YWHAE: variants seen among roughly 807,000 people sequenced by gnomAD.
YWHAE encodes tyrosine 3-monooxygenase/tryptophan 5-monooxygenase activation protein epsilon, also known as 14-3-3 protein epsilon.
In YWHAE, 4 loss-of-function variants were observed where a neutral mutation model predicts 30.1. That is an observed-to-expected ratio of 0.13 (90% confidence interval 0.07 to 0.30). The LOEUF is 0.30. Ranked by LOEUF, YWHAE falls within the 10% of genes least tolerant of loss-of-function variation. YWHAE has a pLI of 1.00. For missense variants in YWHAE, 121 were observed against 315.9 expected, an observed-to-expected ratio of 0.38 and a Z score of 4.68; for synonymous variants, 118 against 111.8, an observed-to-expected ratio of 1.06 and a Z score of -0.35.
Position 1,364,908 on chromosome 17 carries a change from T to C in YWHAE, c.215A>G (p.Asn72Ser). ...TTTTAGCTTGTCTTCTCCTCCCTTGTTTTCTTCTTTCTGTTCAATGCTGCT... is the reference window on the plus strand; with the variant it reads ...TTTTAGCTTGTCTTCTCCTCCCTTGCTTTCTTCTTTCTGTTCAATGCTGCT... ...IISSIEQKEE[N>S]KGGEDKLKMI... The change falls in exon 2 of 6, where the codon AAC becomes AGC. Residue 72 changes from asparagine (N) to serine (S), a missense_variant. By Grantham distance (46) the Asn-to-Ser change is conservative. Around this residue, in one of 2 missense-constraint regions of YWHAE, gnomAD observed 99 missense variants for 289.3 expected, o/e 0.34. Transcript: ENST00000264335. 5.0e-6 allele frequency: 8 copies of C among 1,614,140 alleles called. No homozygotes were observed. Among genetic ancestry groups the C allele is most frequent in the Non-Finnish European group, 6.8e-6 (8 of 1,180,002 alleles).
chr17:1,350,828 G>C (rs2072618462), intron 5 of YWHAE, among the ~76,000 whole-genome samples: 1 of 151,784 alleles, frequency 6.6e-6, no homozygotes, highest in Non-Finnish European at 1.5e-5. Context: ...GGGAGGCCGA[G>C]GCAGGTGGAC....
chr17:1,358,441 A>G (rs999896814), intron 4 of YWHAE, among the ~76,000 whole-genome samples: 12 of 151,808 alleles, frequency 7.9e-5, no homozygotes, highest in Admixed American at 5.9e-4. Flanking sequence ...GGGTTTCACC[A>G]CGTTAGCCAC....
At chr17:1,380,820 GA>G (rs1243974971) in intron 1 of YWHAE, among the ~76,000 whole-genome samples, 17 of 152,100 alleles carry the variant, frequency 1.1e-4, no homozygotes, top group Admixed American at 8.5e-4. Context: ...CATATCCAAA[GA>G]ACCTCACTCT....
chr17:1,365,760 AT>A (rs2072932356), intron 1 of YWHAE, among the ~76,000 whole-genome samples: 1 of 152,172 alleles, frequency 6.6e-6, no homozygotes, highest in Non-Finnish European at 1.5e-5. Flanking sequence ...TTGATGCCAT[AT>A]TACCATGTGG....
rs541640590 is a variant in YWHAE, at chr17:1,389,127, A to G, written c.64+10920T>C. Among the ~76,000 whole-genome samples, 10 of 152,078 alleles carry G rather than the reference A, an allele frequency of 6.6e-5. No individual in the cohort carries two copies. The East Asian group carries it at 1.9e-3, about 30-fold the overall frequency. The stretch of plus-strand genomic sequence containing the variant: ...ACTACAGACACATGCCACTAGGTCA[A>G]GCTAATTCTGTTTCTTTTTGTAGAA... On this transcript the variant is annotated intron_variant, in intron 1 of 5. Coordinates refer to ENST00000264335, the MANE Select transcript of YWHAE (RefSeq NM_006761.5).
chr17:1,399,332 C>G (rs1039833544), intron 1 of YWHAE: 4 of 152,246 alleles, frequency 2.6e-5, no homozygotes, highest in Admixed American at 1.3e-4. Context: ...GGAAAAGCCC[C>G]GAAACCCCTC....
Position 1,361,236 on chromosome 17 carries a change from G to C in YWHAE, c.434C>G (p.Ala145Gly). 1 of 1,613,128 alleles carries C rather than the reference G, an allele frequency of 6.2e-7. No individual in the cohort carries two copies. ...FATGNDRKEA[A>G]ENSLVAYKAA... ...TTTATAAGCCACTAGGCTGTTCTCC[G>C]CAGCCTCCTTCCTGTCGTTTCCTGT... The change falls in exon 4 of 6, where the codon GCG becomes GGG. Residue 145 changes from alanine (A) to glycine (G), a missense_variant. Transcript: ENST00000264335.
At chr17:1,384,453 A>G (rs1407297224) in intron 1 of YWHAE, among the ~76,000 whole-genome samples, 1 of 151,436 alleles carries the variant, frequency 6.6e-6, no homozygotes, top group Non-Finnish European at 1.5e-5. Context: ...GCACTTTGGG[A>G]GGCCAAGGCG....
In YWHAE at chr17:1,355,767, G is replaced by T. The variant is rs150036764; in HGVS notation, c.579-1420C>A. Among the ~76,000 whole-genome samples the T allele has an allele frequency of 6.2e-3, 940 of 152,282 alleles. 11 individuals carry two copies. Among genetic ancestry groups the T allele is most frequent in the African/African-American group, 0.021 (866 of 41,550 alleles). On this transcript the variant is annotated intron_variant, in intron 4 of 5. Coordinates refer to ENST00000264335, the MANE Select transcript of YWHAE (RefSeq NM_006761.5). Reference sequence around the variant, plus strand: ...TACAAGGAGGAGGCTGGCTGTGGTGGCTCATGCCTGTAATCAGCACACTTT... The same window carrying T: ...TACAAGGAGGAGGCTGGCTGTGGTGTCTCATGCCTGTAATCAGCACACTTT...
chr17:1,370,846 A>C (rs912094271), intron 1 of YWHAE, among the ~76,000 whole-genome samples: 2 of 152,002 alleles, frequency 1.3e-5, no homozygotes, highest in African/African-American at 4.8e-5. Flanking sequence ...AAGTGCAAAA[A>C]AAAATCAGCC....
chr17:1,374,134 A>G (rs2073089407), intron 1 of YWHAE, among the ~76,000 whole-genome samples: 1 of 152,014 alleles, frequency 6.6e-6, no homozygotes, highest in South Asian at 2.1e-4. Flanking sequence ...AAAACATGGC[A>G]AAACCCCGTC....
intron 1 of YWHAE, among the ~76,000 whole-genome samples, chr17:1,374,057 C>T (rs62087945): frequency 0.41 from 62,399 of 151,916 alleles, 13,073 homozygotes; most frequent in Admixed American, 0.56. Context: ...GTGGCTCACG[C>T]CTACAATCCC....
rs564388407 is a variant in YWHAE, at chr17:1,355,187, C to T, written c.579-840G>A. Among the ~76,000 whole-genome samples, 104 of 102,668 alleles carry T rather than the reference C, an allele frequency of 1.0e-3. 1 individual carries two copies. The highest frequency in any genetic ancestry group is 3.5e-3 in the African/African-American group (93 of 26,272). The allele number at this position is 102,668 out of a possible 152,430, so 67.4% of individuals were successfully genotyped here. A position where few individuals can be genotyped will look rare whatever the true frequency, so the allele number is the denominator to read the frequency against. On this transcript the variant is annotated intron_variant, in intron 4 of 5. Coordinates refer to ENST00000264335, the MANE Select transcript of YWHAE (RefSeq NM_006761.5). Reference sequence around the variant, plus strand: ...TTTTTTTTTTTGGGGGACGGGGTCTCGCTCTATCACCCAGGCTGGAGTGCA... The same window carrying T: ...TTTTTTTTTTTGGGGGACGGGGTCTTGCTCTATCACCCAGGCTGGAGTGCA...
intron 2 of YWHAE, 36 bp from the exon 3 acceptor site, chr17:1,362,044 G>A (rs1361536389): frequency 7.8e-7 from 1 of 1,289,960 alleles, no homozygotes; most frequent in East Asian, 2.6e-5. Flanking sequence ...ATCAGATTAA[G>A]TCTAGAAATT....
At chr17:1,398,334 T>TCCCC (rs11389163) in intron 1 of YWHAE, among the ~76,000 whole-genome samples, 118 of 100,902 alleles carry the variant, frequency 1.2e-3, no homozygotes, top group Non-Finnish European at 1.2e-3. Flanking sequence ...CCCCATCTTA[T>TCCCC]CCCCCCCCCC....
chr17:1,356,050 T>A (rs2072735504), intron 4 of YWHAE, among the ~76,000 whole-genome samples: 1 of 152,108 alleles, frequency 6.6e-6, no homozygotes, highest in Non-Finnish European at 1.5e-5. Context: ...GTGCCTGTAG[T>A]CCCAGCTACT....
chr17:1,361,934 G>A lies in YWHAE; in HGVS notation c.339C>T (p.Asn113=). 1 of 1,607,926 alleles carries A rather than the reference G, an allele frequency of 6.2e-7. No individual in the cohort carries two copies. Among genetic ancestry groups the A allele is most frequent in the South Asian group, 1.1e-5 (1 of 89,474 alleles). The part of the protein sequence containing the change: ...VLDKHLIPAA[N]TGESKVFYYK... ...AATAGAAAACCTTGGACTCGCCAGTGTTAGCTGCTGGAATGAGGTGTTTGT... is the reference window on the plus strand; with the variant it reads ...AATAGAAAACCTTGGACTCGCCAGTATTAGCTGCTGGAATGAGGTGTTTGT... The change falls in exon 3 of 6, where the codon AAC becomes AAT. Residue 113 remains asparagine, a synonymous_variant. Coordinates refer to ENST00000264335, the MANE Select transcript of YWHAE (RefSeq NM_006761.5).
At chr17:1,354,453 G>A (rs2072693349) in intron 4 of YWHAE, 106 bp from the exon 5 acceptor site, 2 of 1,143,316 alleles carry the variant, frequency 1.7e-6, no homozygotes, top group African/African-American at 3.1e-5. Flanking sequence ...GTTTGTAATA[G>A]TCACAATGAT....
At chr17:1,358,017 C>A (rs971131809) in intron 4 of YWHAE, among the ~76,000 whole-genome samples, 3 of 151,856 alleles carry the variant, frequency 2.0e-5, no homozygotes, top group Admixed American at 6.6e-5. Context: ...TACTCACAAA[C>A]CATTTACTTG....
Sources: gnomAD v4.1 joint callset for allele counts (sites outside exome capture counted in the v4.1 genomes callset) on GRCh38, gnomAD v4.1.1 for gene constraint, gnomAD v4.1.1 regional missense constraint, MANE v1.5 for transcripts, NCBI Gene and HGNC (gene_info 2026-07-23, HGNC 2026-07-21) for gene names.